Variants in ABCA5 observed in about 807,000 individuals in gnomAD.
ABCA5 encodes the protein cholesterol transporter ABCA5.
In ABCA5, 163 loss-of-function variants were observed where a neutral mutation model predicts 206.0. That is an observed-to-expected ratio of 0.79 (90% CI 0.70 to 0.90). The LOEUF (loss-of-function observed/expected upper bound fraction) is 0.90. Ranked by LOEUF, ABCA5 falls within the 40% of genes least tolerant of loss-of-function variation. The probability of loss-of-function intolerance (pLI) is 0.00; values close to 1 mark genes in which losing one functional copy is unlikely to be tolerated. For synonymous variants in ABCA5, 609 were observed against 613.8 expected (o/e 0.99, Z 0.11); for missense variants, 1,859 against 1,912.9 (o/e 0.97, Z 0.53).
chr17:69,282,630 G>A lies in ABCA5; in HGVS notation c.2392+1323C>T, dbSNP rs541925628. Among the ~76,000 whole-genome samples, 20 of 149,422 alleles carry A rather than the reference G, an allele frequency of 1.3e-4. No individual in the cohort carries two copies. The South Asian group carries it at 1.9e-3, about 14-fold the overall frequency. On this transcript the variant is annotated intron_variant, in intron 18 of 38. Transcript: ENST00000392676. Reference sequence around the variant, plus strand: ...TAAAAAATACAACAACTAGCTGGGCGTGGTGGTGGGCGCCTGTAATCCCAG... The same window carrying A: ...TAAAAAATACAACAACTAGCTGGGCATGGTGGTGGGCGCCTGTAATCCCAG...
chr17:69,270,747 AGT>A lies in ABCA5; in HGVS notation c.2894_2895del (p.Asp965ValfsTer23). ...CTGTTGAAAACAGCTGCAAAAACAT[AGT>A]CCTACAATTAAAAAAAAGACACTTA... ...AALNVMHSEK[D>X]YVFAAVFNST... is the part of the protein sequence containing the mutation. On this transcript the variant is annotated frameshift_variant and splice_region_variant, in exon 22 of 39. Transcript: ENST00000392676. LOFTEE classifies it high-confidence loss of function. The A allele has an allele frequency of 2.6e-6, 4 of 1,535,386 alleles. No individual in the cohort carries two copies. Among genetic ancestry groups the A allele is most frequent in the Non-Finnish European group, 3.5e-6 (4 of 1,148,032 alleles).
intron 1 of ABCA5, chr17:69,315,178 A>T (rs1394164384): frequency 6.6e-6 from 1 of 152,254 alleles, no homozygotes; most frequent in Non-Finnish European, 1.5e-5. Flanking sequence ...AATAATTCCC[A>T]AGCTGGACAT....
intron 1 of ABCA5, among the ~76,000 whole-genome samples, chr17:69,321,369 C>A (rs1394642973): frequency 2.0e-5 from 3 of 152,056 alleles, no homozygotes; most frequent in South Asian, 2.1e-4. Flanking sequence ...TGAGGCATGA[C>A]CAAAAAGGGG....
chr17:69,273,836 TAG>T, intron 20 of ABCA5, 121 bp downstream of exon 20: 1 of 914,948 alleles, frequency 1.1e-6, no homozygotes, highest in African/African-American at 1.7e-5. Context: ...AACTATAATT[TAG>T]ATTTCATGCA....
chr17:69,273,205 TAA>T (rs897202664), intron 20 of ABCA5, among the ~76,000 whole-genome samples: 4 of 152,018 alleles, frequency 2.6e-5, no homozygotes, highest in African/African-American at 9.7e-5. Context: ...TATTTATATT[TAA>T]GTCTTATTTT....
At chr17:69,286,460 T>C in intron 15 of ABCA5, 149 bp from the exon 16 acceptor site, 1 of 666,804 alleles carries the variant, frequency 1.5e-6, no homozygotes, top group Non-Finnish European at 2.5e-6. Flanking sequence ...TACTAGATTA[T>C]CATCAACTAT....
At chr17:69,309,999 T>C (rs928125259) in intron 3 of ABCA5, among the ~76,000 whole-genome samples, 2 of 152,234 alleles carry the variant, frequency 1.3e-5, no homozygotes, top group African/African-American at 4.8e-5. Context: ...TAAAACAATA[T>C]GCAGAACTCA....
Position 69,253,838 on chromosome 17 carries a change from G to C in ABCA5, c.4276C>G (p.Leu1426Val). 6.2e-7 allele frequency: 1 copy of C among 1,612,522 alleles called. No individual in the cohort carries two copies. The highest frequency in any genetic ancestry group is 8.5e-7 in the Non-Finnish European group (1 of 1,179,528). ...ITHALDLKEHLQKTVKKLPAG... is the reference protein window; with the variant it reads ...ITHALDLKEHVQKTVKKLPAG... ...GGTAGTTTCTTTACAGTCTTCTGAA[G>C]ATGTTCTTTTAAATCAAGTGCATGT... The change falls in exon 33 of 39, where the codon CTT becomes GTT. Residue 1426 changes from leucine (L) to valine (V), a missense_variant. By Grantham distance (32) the Leu-to-Val change is conservative. Transcript: ENST00000392676.
In ABCA5 at chr17:69,245,083, T is replaced by C. The variant is rs984119045; in HGVS notation, c.*2454A>G. 2.0e-5 allele frequency: 3 copies of C among 151,556 alleles called. No homozygotes were observed. Among genetic ancestry groups the C allele is most frequent in the Non-Finnish European group, 3.0e-5 (2 of 67,748 alleles). The allele number at this position is 151,556 out of a possible 1,614,324, so 9.4% of individuals were successfully genotyped here. On this transcript the variant is annotated 3_prime_UTR_variant, in exon 39 of 39. Coordinates refer to ENST00000392676, the MANE Select transcript of ABCA5 (RefSeq NM_172232.4). ...TTACATTACTCTAAAAATGTTTTAA[T>C]GATTAAAACCAAAATACTGACCTAA...
intron 28 of ABCA5, among the ~76,000 whole-genome samples, chr17:69,257,020 G>A (rs960974653): frequency 2.0e-5 from 3 of 151,910 alleles, no homozygotes; most frequent in African/African-American, 7.3e-5. Flanking sequence ...GCTTGCAAAG[G>A]CAATTTTGAA....
At position 69,326,463 on chromosome 17, in the gene ABCA5, T is replaced by C. The variant is rs1341599235; in HGVS notation, c.-16+589A>G. On this transcript the variant is annotated intron_variant, in intron 1 of 38. Coordinates refer to ENST00000392676, the MANE Select transcript of ABCA5 (RefSeq NM_172232.4). This position sits in a 1 kb window ranked among gnomAD's most constrained non-coding sequence, Gnocchi z 4.8. ...CCCAGCTTTCCGATCCAATTAAGTA[T>C]TTCCATGCCTGGAGCTCCTATTCGT... 6.6e-6 allele frequency among the ~76,000 whole-genome samples: 1 copy of C among 152,190 alleles called. No homozygotes were observed. Among genetic ancestry groups the C allele is most frequent in the Admixed American group, 6.5e-5 (1 of 15,286 alleles).
intron 7 of ABCA5, among the ~76,000 whole-genome samples, chr17:69,303,630 A>G (rs1441167859): frequency 6.9e-6 from 1 of 145,134 alleles, no homozygotes; most frequent in African/African-American, 2.5e-5. Flanking sequence ...TAAAAAGAAA[A>G]AAAAAACCAG....
intron 10 of ABCA5, among the ~76,000 whole-genome samples, chr17:69,296,206 T>A (rs1247494407): frequency 2.6e-5 from 4 of 152,160 alleles, no homozygotes; most frequent in Non-Finnish European, 2.9e-5. Context: ...TTTTTTCATA[T>A]TTTTTTAAGG....
rs1473429732 is a variant in ABCA5, at chr17:69,277,654, A to G, written c.2581T>C (p.Ser861Pro). The G allele has an allele frequency of 9.3e-6, 15 of 1,609,922 alleles. No homozygotes were observed. In the Admixed American group the frequency reaches 2.5e-4, roughly 27 times the overall value. ...AATTATACTTACACTGATCTCACTG[A>G]TTTACTTTCACGTTTCAAGGTAAAG... ...HFFTLKRESK[S>P]VRSVLLLLLI... Residue 861 changes from serine (S) to proline (P), a missense_variant, in exon 19 of 39, where the codon TCA (serine) becomes CCA (proline). Physicochemically the swap from Ser to Pro is moderately conservative, Grantham distance 74 (BLOSUM62 -1). Transcript: ENST00000392676.
At chr17:69,320,526 T>C (rs7225918) in intron 1 of ABCA5, among the ~76,000 whole-genome samples, 14,560 of 152,194 alleles carry the variant, frequency 0.096, 746 homozygotes, top group Non-Finnish European at 0.11. Flanking sequence ...ATTCAAGTTA[T>C]TGAAACAAAA....
chr17:69,267,935 G>GTCAT lies in ABCA5; in HGVS notation c.3144+4_3144+7dup, dbSNP rs766607772. ...TAGCAAATTATATATTTTTAACTGA[G>GTCAT]TCATTACCTTATGATTCTCTGCATT... is the stretch of plus-strand genomic sequence containing the variant. On this transcript the variant is annotated splice_region_variant and intron_variant, in intron 23 of 38. Transcript: ENST00000392676. The GTCAT allele has an allele frequency of 7.2e-6, 11 of 1,526,556 alleles. No homozygotes were observed. In the South Asian group the frequency reaches 9.1e-5, roughly 13 times the overall value. The allele number at this position is 1,526,556 out of a possible 1,614,324, so 94.6% of individuals were successfully genotyped here.
chr17:69,286,887 T>C (rs1237090085), intron 15 of ABCA5, among the ~76,000 whole-genome samples: 5 of 152,214 alleles, frequency 3.3e-5, no homozygotes, highest in Non-Finnish European at 7.3e-5. Flanking sequence ...TTTATATGTA[T>C]GTATGTGTAT....
At position 69,271,297 on chromosome 17, in the gene ABCA5, T is replaced by C; in HGVS notation, c.2765-8A>G. The C allele has an allele frequency of 6.9e-6, 11 of 1,602,332 alleles. No individual in the cohort carries two copies. The highest frequency in any genetic ancestry group is 1.1e-5 in the South Asian group (1 of 88,916). Reference sequence around the variant, plus strand: ...GATCACTGATATCTGAGTCTGGTGTTAGAAAATAAGCAAATAATAAAAAAT... The same window carrying C: ...GATCACTGATATCTGAGTCTGGTGTCAGAAAATAAGCAAATAATAAAAAAT... On this transcript the variant is annotated splice_polypyrimidine_tract_variant and splice_region_variant and intron_variant, in intron 20 of 38. Coordinates refer to ENST00000392676, the MANE Select transcript of ABCA5 (RefSeq NM_172232.4).
At chr17:69,256,806 T>C (rs1029708016) in intron 28 of ABCA5, among the ~76,000 whole-genome samples, 3 of 152,076 alleles carry the variant, frequency 2.0e-5, no homozygotes, top group Admixed American at 6.6e-5. Context: ...ATTATCTAAA[T>C]TCATTCATTT....
Sources: allele counts gnomAD v4.1 joint callset (sites outside exome capture counted in the v4.1 genomes callset), GRCh38; gene constraint gnomAD v4.1.1; non-coding constraint Gnocchi (gnomAD v3.1); transcripts MANE v1.5; gene names NCBI Gene and HGNC (gene_info 2026-07-23, HGNC 2026-07-21).